Variants in SPATA6 observed in about 807,000 individuals in gnomAD.
SPATA6 encodes the protein spermatogenesis associated 6, also known as spermatogenesis-associated protein 6.
Under a neutral mutation model 65.3 loss-of-function variants are expected in SPATA6, and 56 were observed. The observed-to-expected ratio is 0.86, with a 90% CI of 0.69 to 1.07. The LOEUF (loss-of-function observed/expected upper bound fraction) is 1.07, where lower values mean the gene tolerates loss of function less well. Ranked by LOEUF, SPATA6 falls within the 50% of genes least tolerant of loss-of-function variation. The probability of loss-of-function intolerance (pLI) is 0.00; values close to 1 mark genes in which losing one functional copy is unlikely to be tolerated. For missense variants in SPATA6, 590 were observed against 594.8 expected (o/e 0.99, Z 0.08); for synonymous variants, 199 against 213.2 (o/e 0.93, Z 0.58).
intron 9 of SPATA6, among the ~76,000 whole-genome samples, chr1:48,367,080 T>C (rs549088463): frequency 1.3e-4 from 20 of 152,166 alleles, no homozygotes; most frequent in Non-Finnish European, 2.8e-4. Flanking sequence ...GAGCAGGTTG[T>C]TCAGTTTCCA....
chr1:48,269,828 T>A, the SPATA6 span, among the ~76,000 whole-genome samples: 1 of 151,314 alleles, frequency 6.6e-6, no homozygotes, highest in Non-Finnish European at 1.5e-5. Context: ...AAATTTAAAA[T>A]ATATATATAA....
At chr1:48,354,112 A>G (rs948334695) in intron 11 of SPATA6, among the ~76,000 whole-genome samples, 10 of 152,260 alleles carry the variant, frequency 6.6e-5, no homozygotes, top group African/African-American at 2.4e-4. Context: ...AAGAATATTC[A>G]CTCGTCACTG....
chr1:48,393,275 G>A (rs1170170904), intron 8 of SPATA6: 1 of 152,114 alleles, frequency 6.6e-6, no homozygotes, highest in Admixed American at 6.6e-5. Flanking sequence ...GATGCACTGA[G>A]AGTAACACAT....
intron 11 of SPATA6, among the ~76,000 whole-genome samples, chr1:48,348,592 T>C (rs1646433997): frequency 6.6e-6 from 1 of 151,924 alleles, no homozygotes; most frequent in Non-Finnish European, 1.5e-5. Context: ...GAATTAGCCA[T>C]TGTTACAAGA....
At chr1:48,286,572 A>G in the SPATA6 span, among the ~76,000 whole-genome samples, 1 of 152,126 alleles carries the variant, frequency 6.6e-6, no homozygotes, top group African/African-American at 2.4e-5. Flanking sequence ...TAGGCTTTCT[A>G]TATATATGAT....
At chr1:48,291,400 T>G (rs997361083), downstream of SPATA6, among the ~76,000 whole-genome samples, 1 of 152,180 alleles carries the variant, frequency 6.6e-6, no homozygotes, top group Non-Finnish European at 1.5e-5. Context: ...CTGGGCTTGC[T>G]GCAGCTGCTG....
At chr1:48,320,600 T>C (rs1222188579) in intron 11 of SPATA6, among the ~76,000 whole-genome samples, 1 of 152,214 alleles carries the variant, frequency 6.6e-6, no homozygotes, top group Non-Finnish European at 1.5e-5. Context: ...AGACCTGTCC[T>C]ATGAGAAATG....
At position 48,436,436 on chromosome 1, in the gene SPATA6, G is replaced by A. The variant is rs187523954; in HGVS notation, c.238+15116C>T. The A allele has an allele frequency of 7.5e-6, 12 of 1,607,708 alleles. No individual in the cohort carries two copies. In the East Asian group the frequency reaches 2.5e-4, roughly 33 times the overall value. The stretch of plus-strand genomic sequence containing the variant: ...AGGACCTGTTTTCCTGAAGGAATGA[G>A]TGAAACTTTAATAAGAAACATTATC... On this transcript the variant is annotated intron_variant, in intron 3 of 12. Transcript: ENST00000371847.
At chr1:48,379,354 C>A (rs991652697) in intron 9 of SPATA6, among the ~76,000 whole-genome samples, 1 of 152,136 alleles carries the variant, frequency 6.6e-6, no homozygotes, top group Non-Finnish European at 1.5e-5. Context: ...GTGGGGATTA[C>A]AATTCGAGAT....
the SPATA6 span, among the ~76,000 whole-genome samples, chr1:48,284,603 G>C: frequency 0.019 from 2,969 of 152,276 alleles, 75 homozygotes; most frequent in African/African-American, 0.067. Flanking sequence ...GTGACCTTCG[G>C]ATGGGGTTTC....
chr1:48,458,844 T>C (rs146264594), intron 1 of SPATA6, among the ~76,000 whole-genome samples: 1 of 152,284 alleles, frequency 6.6e-6, no homozygotes, highest in East Asian at 1.9e-4. Flanking sequence ...GAAAATGTTC[T>C]GAAATTAGTA....
chr1:48,413,339 G>C (rs1394378731), intron 3 of SPATA6, among the ~76,000 whole-genome samples, 188 bp from the exon 4 acceptor site: 1 of 150,418 alleles, frequency 6.6e-6, no homozygotes, highest in Non-Finnish European at 1.5e-5. Context: ...CGCCAGGCTG[G>C]AGTGCAGTGG....
intron 3 of SPATA6, chr1:48,436,281 G>A: frequency 1.2e-6 from 2 of 1,613,754 alleles, no homozygotes; most frequent in Non-Finnish European, 8.5e-7. Context: ...AAGCTTTACA[G>A]AAAGCCGTGA....
chr1:48,391,492 C>T (rs1650067293), intron 8 of SPATA6, among the ~76,000 whole-genome samples: 2 of 152,142 alleles, frequency 1.3e-5, no homozygotes, highest in Non-Finnish European at 2.9e-5. Context: ...TTAAAGCACT[C>T]GTATGGCTTC....
chr1:48,298,929 T>C (rs1306214942), intron 12 of SPATA6, 36 bp from the exon 13 acceptor site: 1 of 1,589,570 alleles, frequency 6.3e-7, no homozygotes, highest in African/African-American at 1.4e-5. Flanking sequence ...AAAACAATAA[T>C]GAAACAAAAT....
intron 11 of SPATA6, among the ~76,000 whole-genome samples, chr1:48,337,287 T>A (rs555948497): frequency 6.6e-6 from 1 of 151,908 alleles, no homozygotes; most frequent in Non-Finnish European, 1.5e-5. Context: ...GGTAGCAGAA[T>A]AATCATCTCA....
At position 48,367,399 on chromosome 1, in the gene SPATA6, T is replaced by G. The variant is rs367947430; in HGVS notation, c.910-7629A>C. Among the ~76,000 whole-genome samples the G allele has an allele frequency of 5.3e-3, 803 of 152,326 alleles. 21 individuals carry two copies. The highest frequency in any genetic ancestry group is 0.05 in the South Asian group (239 of 4,816). On this transcript the variant is annotated intron_variant, in intron 9 of 12. Coordinates refer to ENST00000371847, the MANE Select transcript of SPATA6 (RefSeq NM_019073.4). Reference sequence around the variant, plus strand: ...CTGTCTAATGTTGACAGTGGGGTGTTAAAGTCTCCCATTATTATTGTGTGG... The same window carrying G: ...CTGTCTAATGTTGACAGTGGGGTGTGAAAGTCTCCCATTATTATTGTGTGG...
the SPATA6 span, among the ~76,000 whole-genome samples, chr1:48,269,889 A>T: frequency 6.7e-6 from 1 of 149,366 alleles, no homozygotes; most frequent in Non-Finnish European, 1.5e-5. Flanking sequence ...TTTTACCTTT[A>T]AAAAAAAAGA....
intron 11 of SPATA6, among the ~76,000 whole-genome samples, chr1:48,317,901 T>C (rs1645486485): frequency 6.6e-6 from 1 of 152,084 alleles, no homozygotes; most frequent in African/African-American, 2.4e-5. Flanking sequence ...AGATGCAAAA[T>C]TTCTCAGTAA....
Sources: gnomAD v4.1 joint callset for allele counts (sites outside exome capture counted in the v4.1 genomes callset) on GRCh38, gnomAD v4.1.1 for gene constraint, MANE v1.5 for transcripts, NCBI Gene and HGNC (gene_info 2026-07-23, HGNC 2026-07-21) for gene names.